The following PPP2R2C variants were observed in gnomAD, a reference collection of about 807,000 sequenced individuals.
PPP2R2C encodes protein phosphatase 2, regulatory subunit B, gamma.
In PPP2R2C, 10 loss-of-function variants were observed where a neutral mutation model predicts 45.3. That is an observed-to-expected ratio of 0.22 (90% CI 0.14 to 0.37). PPP2R2C has a LOEUF of 0.37. Among genes scored for constraint, PPP2R2C ranks in the 10% least tolerant of loss-of-function variants. The pLI is 1.00. For synonymous variants in PPP2R2C, 257 were observed against 245.4 expected (o/e 1.05, Z -0.44); for missense variants, 308 against 619.7 (o/e 0.50, Z 5.34).
At chr4:6,485,264 T>C (rs1040653598) in intron 2 of PPP2R2C, among the ~76,000 whole-genome samples, 2 of 151,928 alleles carry the variant, frequency 1.3e-5, no homozygotes, top group African/African-American at 4.8e-5. Flanking sequence ...CACTTGGCTA[T>C]GATGTATTAT....
rs1405558734 is a variant in PPP2R2C, at chr4:6,328,715, G to A, written c.1052+547C>T. Reference sequence around the variant, plus strand: ...TTCCAGGCAGGTGGGGTTGAGAGACGGCTGGACTTGTGGATTGTGACAAGC... The same window carrying A: ...TTCCAGGCAGGTGGGGTTGAGAGACAGCTGGACTTGTGGATTGTGACAAGC... On this transcript the variant is annotated intron_variant, in intron 8 of 8. Transcript: ENST00000382599. The surrounding 1 kb of genome is among the most constrained non-coding windows in gnomAD (Gnocchi z 4.4). Among the ~76,000 whole-genome samples the A allele has an allele frequency of 6.6e-6, 1 of 152,220 alleles. No homozygotes were observed. The highest frequency in any genetic ancestry group is 1.5e-5 in the Non-Finnish European group (1 of 68,038).
At chr4:6,333,823 G>A in intron 6 of PPP2R2C, 92 bp from the exon 7 acceptor site, 2 of 1,359,988 alleles carry the variant, frequency 1.5e-6, no homozygotes, top group Middle Eastern at 4.0e-4. Flanking sequence ...CTGGGCCCAT[G>A]CTCTGTTTAT....
At chr4:6,388,338 G>C (rs914447545) in intron 1 of PPP2R2C, among the ~76,000 whole-genome samples, 24 of 152,216 alleles carry the variant, frequency 1.6e-4, no homozygotes, top group African/African-American at 5.3e-4. Flanking sequence ...GCACGCCAGA[G>C]CCAGAGATGG....
upstream of PPP2R2C, among the ~76,000 whole-genome samples, chr4:6,473,646 G>T (rs928988826): frequency 1.2e-4 from 19 of 152,302 alleles, no homozygotes; most frequent in African/African-American, 4.6e-4. Context: ...TCCAGGTGGG[G>T]GCTGGTCTGT....
At chr4:6,448,922 G>A (rs1401184889) in intron 1 of PPP2R2C, among the ~76,000 whole-genome samples, 1 of 152,226 alleles carries the variant, frequency 6.6e-6, no homozygotes. Flanking sequence ...CCCTGCTGAT[G>A]TGGCTTTAGT....
intron 1 of PPP2R2C, among the ~76,000 whole-genome samples, chr4:6,396,275 G>A (rs1449342144): frequency 6.6e-6 from 1 of 152,210 alleles, no homozygotes; most frequent in Non-Finnish European, 1.5e-5. Flanking sequence ...GGACAGCCAT[G>A]CACCTGAGCC....
chr4:6,341,474 A>G (rs1331205301), intron 6 of PPP2R2C, among the ~76,000 whole-genome samples: 7 of 152,108 alleles, frequency 4.6e-5, no homozygotes, highest in Non-Finnish European at 1.0e-4. Context: ...TCTTGGCTCT[A>G]CTTAGCTGTG....
intron 1 of PPP2R2C, among the ~76,000 whole-genome samples, chr4:6,538,419 C>A (rs188542686): frequency 3.2e-4 from 48 of 152,222 alleles, no homozygotes; most frequent in Admixed American, 1.2e-3. Context: ...TCCCCAGCGA[C>A]GCAAGCGTTT....
chr4:6,497,229 G>C (rs1468087331), intron 2 of PPP2R2C, among the ~76,000 whole-genome samples: 1 of 152,178 alleles, frequency 6.6e-6, no homozygotes, highest in Non-Finnish European at 1.5e-5. Flanking sequence ...CTTATTTTCA[G>C]AAGAGAAATA....
chr4:6,337,890 G>A (rs1010607905), intron 6 of PPP2R2C, among the ~76,000 whole-genome samples: 2 of 152,152 alleles, frequency 1.3e-5, no homozygotes, highest in East Asian at 3.9e-4. Flanking sequence ...ATATTAATAA[G>A]CCTGAAAAAC....
chr4:6,478,335 G>T (rs1356327833), intron 2 of PPP2R2C, among the ~76,000 whole-genome samples: 1 of 152,184 alleles, frequency 6.6e-6, no homozygotes. Flanking sequence ...TTAATATTAG[G>T]TGTAGTCATG....
At chr4:6,513,162 C>T (rs1723723337) in intron 2 of PPP2R2C, among the ~76,000 whole-genome samples, 1 of 152,170 alleles carries the variant, frequency 6.6e-6, no homozygotes. Context: ...CTCACTCATC[C>T]ATTCATTCAC....
chr4:6,364,955 T>C lies in PPP2R2C; in HGVS notation c.625+7568A>G, dbSNP rs1010624690. 2.0e-5 allele frequency among the ~76,000 whole-genome samples: 3 copies of C among 152,196 alleles called. No individual in the cohort carries two copies. The highest frequency in any genetic ancestry group is 1.5e-5 in the Non-Finnish European group (1 of 68,032). ...TGCTCACCTAGAAAGTTCACCTGGATAGCATCAGGATCCCCATTCACTCAG... is the reference window on the plus strand; with the variant it reads ...TGCTCACCTAGAAAGTTCACCTGGACAGCATCAGGATCCCCATTCACTCAG... On this transcript the variant is annotated intron_variant, in intron 5 of 8. Coordinates refer to ENST00000382599, the MANE Select transcript of PPP2R2C (RefSeq NM_020416.4). This position sits in a 1 kb window ranked among gnomAD's most constrained non-coding sequence, Gnocchi z 5.3.
intron 1 of PPP2R2C, among the ~76,000 whole-genome samples, chr4:6,549,335 C>G (rs987631205): frequency 1.3e-5 from 2 of 152,158 alleles, no homozygotes; most frequent in Non-Finnish European, 2.9e-5. Flanking sequence ...ACACGCCAGG[C>G]TCATTTCATT....
intron 2 of PPP2R2C, among the ~76,000 whole-genome samples, chr4:6,493,366 G>T (rs759547733): frequency 6.6e-6 from 1 of 151,742 alleles, no homozygotes; most frequent in Non-Finnish European, 1.5e-5. Context: ...GGTGGGGGGC[G>T]TGTGGACATG....
chr4:6,543,234 A>G (rs569208318), intron 1 of PPP2R2C, among the ~76,000 whole-genome samples: 1 of 152,294 alleles, frequency 6.6e-6, no homozygotes, highest in Admixed American at 6.5e-5. Context: ...TCAATGGACT[A>G]CAACTCGGCT....
chr4:6,434,690 T>C (rs1168648685), intron 1 of PPP2R2C, among the ~76,000 whole-genome samples: 10 of 152,188 alleles, frequency 6.6e-5, no homozygotes, highest in Non-Finnish European at 1.3e-4. Context: ...AGACAAGGAT[T>C]AGAAGTGAAA....
intron 1 of PPP2R2C, among the ~76,000 whole-genome samples, chr4:6,460,266 T>C (rs1208707117): frequency 2.6e-5 from 4 of 152,208 alleles, no homozygotes; most frequent in Non-Finnish European, 5.9e-5. Context: ...GTCATATGGA[T>C]GAGCCCTAAC....
At chr4:6,478,996 G>A (rs1404799209) in intron 2 of PPP2R2C, among the ~76,000 whole-genome samples, 1 of 152,198 alleles carries the variant, frequency 6.6e-6, no homozygotes, top group Non-Finnish European at 1.5e-5. Context: ...AGGGCACTGA[G>A]GGTCACATGG....
Sources: allele counts gnomAD v4.1 joint callset (sites outside exome capture counted in the v4.1 genomes callset), GRCh38; gene constraint gnomAD v4.1.1; non-coding constraint Gnocchi (gnomAD v3.1); transcripts MANE v1.5; gene names NCBI Gene and HGNC (gene_info 2026-07-23, HGNC 2026-07-21).